CTNNA3: variants seen among roughly 807,000 people sequenced by gnomAD.
CTNNA3 encodes the protein catenin alpha 3.
A neutral mutation model predicts 95.7 loss-of-function variants in CTNNA3; 76 were observed. That is an observed-to-expected ratio of 0.79 (90% CI 0.66 to 0.96). The LOEUF (loss-of-function observed/expected upper bound fraction) is 0.96. Ranked by LOEUF, CTNNA3 falls within the 40% of genes least tolerant of loss-of-function variation. The pLI, the probability that CTNNA3 is intolerant of heterozygous loss-of-function variation, is 0.00. For synonymous variants in CTNNA3, 431 were observed against 374.4 expected (o/e 1.15, Z -1.74); for missense variants, 1,191 against 1,089.8 (o/e 1.09, Z -1.31).
chr10:66,779,363 CTCTT>C (rs1019055918), intron 7 of CTNNA3, among the ~76,000 whole-genome samples: 1 of 146,482 alleles, frequency 6.8e-6, no homozygotes, highest in Admixed American at 6.9e-5. Flanking sequence ...TCTTTTCTTT[CTCTT>C]TCTTTCTTTC....
intron 5 of CTNNA3, among the ~76,000 whole-genome samples, chr10:67,348,604 A>G (rs2132636725): frequency 6.6e-6 from 1 of 152,228 alleles, no homozygotes; most frequent in South Asian, 2.1e-4. Flanking sequence ...AGAGAGCAAG[A>G]GACAGAGGGA....
chr10:66,280,266 T>G (rs545214962), intron 13 of CTNNA3, among the ~76,000 whole-genome samples: 1 of 152,224 alleles, frequency 6.6e-6, no homozygotes, highest in South Asian at 2.1e-4. Flanking sequence ...CACTCATTTG[T>G]GTAAGTTATA....
At chr10:67,705,181 G>GA (rs1841070219) in intron 1 of CTNNA3, among the ~76,000 whole-genome samples, 1 of 151,958 alleles carries the variant, frequency 6.6e-6, no homozygotes, top group Non-Finnish European at 1.5e-5. Flanking sequence ...CTGTTGGTGG[G>GA]ACTGTAAACT....
chr10:66,608,013 C>T (rs1185231529), intron 10 of CTNNA3, among the ~76,000 whole-genome samples: 3 of 152,062 alleles, frequency 2.0e-5, no homozygotes. Flanking sequence ...TAAGTTATTC[C>T]TGTTTGCAGA....
At chr10:67,437,712 T>C (rs1330463840) in intron 5 of CTNNA3, among the ~76,000 whole-genome samples, 1 of 151,830 alleles carries the variant, frequency 6.6e-6, no homozygotes, top group East Asian at 1.9e-4. Context: ...ATTTTTAAGG[T>C]TGATGTGGTA....
intron 3 of CTNNA3, among the ~76,000 whole-genome samples, chr10:67,569,097 C>G (rs138411737): frequency 6.6e-6 from 1 of 152,122 alleles, no homozygotes; most frequent in Non-Finnish European, 1.5e-5. Context: ...GGAAACATTT[C>G]CATTGAAGAC....
chr10:66,041,454 A>C, intron 15 of CTNNA3, among the ~76,000 whole-genome samples: 1 of 152,220 alleles, frequency 6.6e-6, no homozygotes, highest in East Asian at 1.9e-4. Flanking sequence ...TGGTTATGTA[A>C]GATGTTACCT....
chr10:66,115,572 A>T (rs879525533), intron 13 of CTNNA3, among the ~76,000 whole-genome samples: 7,689 of 97,666 alleles, frequency 0.079, 232 homozygotes, highest in Middle Eastern at 0.13. Context: ...ATAGATAGAC[A>T]GATAGATGAT....
intron 7 of CTNNA3, among the ~76,000 whole-genome samples, chr10:66,912,386 G>T (rs375366801): frequency 6.6e-6 from 1 of 152,080 alleles, no homozygotes; most frequent in Admixed American, 6.5e-5. Flanking sequence ...AATGAATACA[G>T]ATACCAATAG....
chr10:66,774,633 A>G (rs1199179820), intron 8 of CTNNA3, among the ~76,000 whole-genome samples: 1 of 152,186 alleles, frequency 6.6e-6, no homozygotes, highest in Non-Finnish European at 1.5e-5. Context: ...AAATCTTGCC[A>G]TTAAACTACG....
intron 2 of CTNNA3, among the ~76,000 whole-genome samples, chr10:67,640,136 C>G (rs186036693): frequency 3.4e-3 from 515 of 152,268 alleles, no homozygotes; most frequent in Admixed American, 5.0e-3. Context: ...TCCTTAAGCT[C>G]ATAAGCAACT....
At chr10:67,748,095 T>C (rs962698843) in intron 1 of CTNNA3, among the ~76,000 whole-genome samples, 1 of 152,270 alleles carries the variant, frequency 6.6e-6, no homozygotes, top group Admixed American at 6.5e-5. Context: ...CTGAGAACTA[T>C]GGGACTACAT....
Position 67,267,780 on chromosome 10 carries a change from T to C in CTNNA3, c.580-47910A>G, listed in dbSNP as rs996485008. Among the ~76,000 whole-genome samples the C allele has an allele frequency of 1.1e-4, 16 of 152,180 alleles. 1 individual carries two copies. The highest frequency in any genetic ancestry group is 5.8e-4 in the East Asian group (3 of 5,202). On this transcript the variant is annotated intron_variant, in intron 5 of 17. Coordinates refer to ENST00000433211, the MANE Select transcript of CTNNA3 (RefSeq NM_013266.4). ...ATAGTTGCCTCTGAGGCATGAGAAC[T>C]GGGAGACAGGCTGGAACATGGGACA...
Position 66,069,308 on chromosome 10 carries a change from CT to C in CTNNA3, c.2158del (p.Arg720GlyfsTer6), listed in dbSNP as rs1396315580. On this transcript the variant is annotated frameshift_variant and splice_region_variant, in exon 15 of 18. Transcript: ENST00000433211. LOFTEE classifies it high-confidence loss of function. ...MIMMEMTDFTRGKGPLKHTTD... is the reference protein window; with the variant it reads ...MIMMEMTDFTXGKGPLKHTTD... Reference sequence around the variant, plus strand: ...TACACATCGTTTTCCACATAATTACCTAGTGAAGTCTGTCATCTCCATCATG... The same window carrying C: ...TACACATCGTTTTCCACATAATTACCAGTGAAGTCTGTCATCTCCATCATG... The C allele has an allele frequency of 4.3e-6, 7 of 1,612,548 alleles. No individual in the cohort carries two copies. In the South Asian group the frequency reaches 6.6e-5, roughly 15 times the overall value.
chr10:67,025,923 C>G (rs1406739408), intron 7 of CTNNA3, among the ~76,000 whole-genome samples: 1 of 148,068 alleles, frequency 6.8e-6, no homozygotes, highest in African/African-American at 2.6e-5. Flanking sequence ...GAATACTATG[C>G]AGCCATAAAA....
intron 6 of CTNNA3, among the ~76,000 whole-genome samples, chr10:67,187,392 C>T (rs997750974): frequency 6.6e-5 from 10 of 152,270 alleles, no homozygotes; most frequent in African/African-American, 2.4e-4. Context: ...CATACACTTT[C>T]TACCACTCTG....
intron 12 of CTNNA3, among the ~76,000 whole-genome samples, chr10:66,367,850 T>G (rs2092721266): frequency 1.0e-5 from 1 of 100,266 alleles, no homozygotes; most frequent in Non-Finnish European, 1.9e-5. Context: ...AGGCTTCTTT[T>G]ATAATAATAA....
intron 10 of CTNNA3, among the ~76,000 whole-genome samples, chr10:66,588,731 G>T (rs1366580626): frequency 6.6e-6 from 1 of 152,024 alleles, no homozygotes. Context: ...ATTTGGATGG[G>T]AATAAAAGAC....
chr10:67,512,974 G>C (rs1051275582), intron 5 of CTNNA3, among the ~76,000 whole-genome samples: 3 of 152,012 alleles, frequency 2.0e-5, no homozygotes, highest in Non-Finnish European at 4.4e-5. Flanking sequence ...CAGAGCGAGA[G>C]TCCATCTCAA....
Sources: allele counts gnomAD v4.1 joint callset (sites outside exome capture counted in the v4.1 genomes callset), GRCh38; gene constraint gnomAD v4.1.1; transcripts MANE v1.5; gene names NCBI Gene and HGNC (gene_info 2026-07-23, HGNC 2026-07-21).